CDH23: variants seen among roughly 807,000 people sequenced by gnomAD.
CDH23 encodes the protein cadherin related 23, also known as cadherin-23.
In CDH23, 189 loss-of-function variants were observed where a neutral mutation model predicts 317.1. The ratio of observed to expected loss-of-function variants is 0.60; its 90% CI spans 0.53 to 0.67. The LOEUF is 0.67. CDH23 is among the 30% of genes least tolerant of loss of function. The pLI, the probability that CDH23 is intolerant of heterozygous loss-of-function variation, is 0.00. For synonymous variants in CDH23, 1,839 were observed against 1,876.8 expected, an observed-to-expected ratio of 0.98 and a Z score of 0.52; for missense variants, 4,401 against 4,592.4, an observed-to-expected ratio of 0.96 and a Z score of 1.20.
intron 27 of CDH23, among the ~76,000 whole-genome samples, chr10:71,709,437 G>C (rs1865898253): frequency 6.6e-6 from 1 of 152,202 alleles, no homozygotes; most frequent in African/African-American, 2.4e-5. Flanking sequence ...CTACATGGGA[G>C]ACCCACATGT....
intron 58 of CDH23, 43 bp from the exon 59 acceptor site, chr10:71,807,473 C>T (rs1227808570): frequency 6.2e-7 from 1 of 1,612,616 alleles, no homozygotes; most frequent in African/African-American, 1.3e-5. Flanking sequence ...ATGCCCTGCT[C>T]CTGGCCCTGC....
intron 34 of CDH23, among the ~76,000 whole-genome samples, chr10:71,737,310 A>T (rs1305847012): frequency 6.6e-6 from 1 of 152,180 alleles, no homozygotes; most frequent in African/African-American, 2.4e-5. Flanking sequence ...TCCTCCCAAC[A>T]GGTGTCATTC....
intron 3 of CDH23, among the ~76,000 whole-genome samples, chr10:71,500,984 C>T (rs1853298998): frequency 2.0e-5 from 3 of 152,062 alleles, no homozygotes; most frequent in Admixed American, 1.3e-4. Flanking sequence ...ATTCTCCTGC[C>T]TCAGCCTCGA....
At chr10:71,790,960 G>T (rs1841234943) in intron 46 of CDH23, among the ~76,000 whole-genome samples, 172 bp from the exon 47 acceptor site, 1 of 152,200 alleles carries the variant, frequency 6.6e-6, no homozygotes, top group Non-Finnish European at 1.5e-5. Context: ...CCTCAGCACG[G>T]GTGGTTGAGC....
chr10:71,743,303 C>T lies in CDH23; in HGVS notation c.4845+1382C>T, dbSNP rs908870310. 1.3e-5 allele frequency among the ~76,000 whole-genome samples: 2 copies of T among 152,326 alleles called. 1 individual carries two copies. The highest frequency in any genetic ancestry group is 4.1e-4 in the South Asian group (2 of 4,830). On this transcript the variant is annotated intron_variant, in intron 38 of 69. Transcript: ENST00000224721. ...ACCCTGATTGCAAATGAGGCCCCAG[C>T]TCTGTCCCTCTCATAGCAGGTTAGA...
chr10:71,667,208 G>A (rs1161915925), intron 14 of CDH23, among the ~76,000 whole-genome samples: 2 of 152,184 alleles, frequency 1.3e-5, no homozygotes, highest in Admixed American at 1.3e-4. Context: ...GTGGGCGCTG[G>A]TGAGGAGTGA....
chr10:71,459,860 C>G (rs956148831), intron 3 of CDH23, among the ~76,000 whole-genome samples: 4 of 152,192 alleles, frequency 2.6e-5, no homozygotes, highest in Admixed American at 2.6e-4. Context: ...CCAGGGTCTG[C>G]AGGGCTTTCC....
At chr10:71,613,366 G>A (rs12572044) in intron 9 of CDH23, among the ~76,000 whole-genome samples, 2,784 of 152,302 alleles carry the variant, frequency 0.018, 179 homozygotes, top group East Asian at 0.15. Context: ...TCCATGGCTG[G>A]GAAAGGAAGC....
In CDH23 at chr10:71,422,172, A is replaced by G. The variant is rs190079155; in HGVS notation, c.-5-17655A>G. On this transcript the variant is annotated intron_variant, in intron 1 of 69. Coordinates refer to ENST00000224721, the MANE Select transcript of CDH23 (RefSeq NM_022124.6). ...TCTAGAAGGTGGGACATTGTGGGGC[A>G]GCCCTACAGTGTGTACAGAAGTGAG... Among the ~76,000 whole-genome samples, 31 of 152,348 alleles carry G rather than the reference A, an allele frequency of 2.0e-4. 1 individual carries two copies. In the East Asian group the frequency reaches 5.6e-3, roughly 27 times the overall value.
intron 47 of CDH23, among the ~76,000 whole-genome samples, chr10:71,791,685 C>A (rs1841255778): frequency 6.6e-6 from 1 of 151,894 alleles, no homozygotes; most frequent in African/African-American, 2.4e-5. Context: ...AAGTGATTCT[C>A]CTGCCTCAGC....
intron 6 of CDH23, 47 bp from the exon 7 acceptor site, chr10:71,566,695 T>C (rs1857420900): frequency 3.3e-6 from 5 of 1,508,462 alleles, no homozygotes; most frequent in Non-Finnish European, 4.5e-6. Context: ...ATGGCGCAGC[T>C]GCTCCGCACT....
chr10:71,549,203 G>T (rs933707524), intron 6 of CDH23, among the ~76,000 whole-genome samples: 4 of 152,254 alleles, frequency 2.6e-5, no homozygotes, highest in African/African-American at 9.6e-5. Flanking sequence ...CAGAGGGCAG[G>T]TCACTGGGCA....
intron 67 of CDH23, 79 bp from the exon 68 acceptor site, chr10:71,812,689 G>A: frequency 6.2e-7 from 1 of 1,612,042 alleles, no homozygotes; most frequent in Non-Finnish European, 8.5e-7. Flanking sequence ...AAGAAGCTGG[G>A]TTCTTTAAGG....
intron 6 of CDH23, among the ~76,000 whole-genome samples, chr10:71,516,026 C>T (rs1285025400): frequency 6.6e-6 from 1 of 152,232 alleles, no homozygotes; most frequent in Non-Finnish European, 1.5e-5. Flanking sequence ...ATGAATATCA[C>T]TCACTTTCAG....
intron 45 of CDH23, among the ~76,000 whole-genome samples, chr10:71,789,290 A>G (rs1192305087): frequency 6.6e-6 from 1 of 152,112 alleles, no homozygotes; most frequent in Non-Finnish European, 1.5e-5. Context: ...GTGGTCTGAG[A>G]GCTGCCCCAC....
At chr10:71,637,738 C>T (rs1589284921) in intron 11 of CDH23, among the ~76,000 whole-genome samples, 1 of 152,080 alleles carries the variant, frequency 6.6e-6, no homozygotes, top group South Asian at 2.1e-4. Flanking sequence ...TTCCCAGCCC[C>T]GATCCAGCTT....
At chr10:71,546,145 T>C (rs1263505323) in intron 6 of CDH23, among the ~76,000 whole-genome samples, 1 of 151,874 alleles carries the variant, frequency 6.6e-6, no homozygotes, top group Non-Finnish European at 1.5e-5. Context: ...TCATATCCCC[T>C]CTCGGTGTCT....
chr10:71,520,681 C>T (rs1467414314), intron 6 of CDH23, among the ~76,000 whole-genome samples: 1 of 152,242 alleles, frequency 6.6e-6, no homozygotes, highest in African/African-American at 2.4e-5. Context: ...GGACTGCCTT[C>T]TTGATGCAGG....
intron 18 of CDH23, among the ~76,000 whole-genome samples, chr10:71,686,839 A>T (rs1864920988): frequency 6.6e-6 from 1 of 151,990 alleles, no homozygotes; most frequent in Non-Finnish European, 1.5e-5. Flanking sequence ...AGATTGCAAG[A>T]GTGGTTGGTG....
Sources: gnomAD v4.1 joint callset for allele counts (sites outside exome capture counted in the v4.1 genomes callset) on GRCh38, gnomAD v4.1.1 for gene constraint, MANE v1.5 for transcripts, NCBI Gene and HGNC (gene_info 2026-07-23, HGNC 2026-07-21) for gene names.